The following KAT6B variants were observed in gnomAD, a reference collection of about 807,000 sequenced individuals.
KAT6B encodes the protein histone acetyltransferase KAT6B.
A neutral mutation model predicts 187.5 loss-of-function variants in KAT6B; 10 were observed. That is an observed-to-expected ratio of 0.05 (90% confidence interval 0.03 to 0.09). KAT6B has a LOEUF of 0.09. KAT6B is among the 10% of genes least tolerant of loss of function. The probability of loss-of-function intolerance (pLI) is 1.00; values close to 1 mark genes in which losing one functional copy is unlikely to be tolerated. For missense variants in KAT6B, 1,952 were observed against 2,558.9 expected (o/e 0.76, Z 5.12); for synonymous variants, 861 against 926.8 (o/e 0.93, Z 1.29).
chr10:74,907,761 C>A lies in KAT6B; in HGVS notation c.622-52209C>A, dbSNP rs184464769. Among the ~76,000 whole-genome samples, 13 of 152,302 alleles carry A rather than the reference C, an allele frequency of 8.5e-5. No individual in the cohort carries two copies. In the South Asian group the frequency reaches 1.0e-3, roughly 12 times the overall value. Reference sequence around the variant, plus strand: ...GCCAGGCTGGTCTCAAACTCTTGACCTCAGGTGATGCATCTGTCTTGGCCT... The same window carrying A: ...GCCAGGCTGGTCTCAAACTCTTGACATCAGGTGATGCATCTGTCTTGGCCT... On this transcript the variant is annotated intron_variant, in intron 3 of 17. Transcript: ENST00000287239.
chr10:74,952,870 T>TTC (rs1840416597), intron 3 of KAT6B, among the ~76,000 whole-genome samples: 2 of 123,974 alleles, frequency 1.6e-5, no homozygotes, highest in Non-Finnish European at 3.1e-5. Flanking sequence ...TTTTTTTTTT[T>TTC]TGTATTTTTA....
chr10:74,909,792 T>C (rs1467989257), intron 3 of KAT6B, among the ~76,000 whole-genome samples: 1 of 152,214 alleles, frequency 6.6e-6, no homozygotes, highest in Non-Finnish European at 1.5e-5. Context: ...TTCTCAGTTC[T>C]GAAGGAAATC....
rs750246372 is a variant in KAT6B at position 74,977,292 on chromosome 10, C to A, written c.1994-24C>A. On this transcript the variant is annotated intron_variant, in intron 8 of 17. Coordinates refer to ENST00000287239, the MANE Select transcript of KAT6B (RefSeq NM_012330.4). ...CTCATGATTCAAGTCAGTGAATACA[C>A]TTTCTGCTGGTTTTAAATGACAGAT... The A allele has an allele frequency of 4.3e-6, 7 of 1,610,480 alleles. No individual in the cohort carries two copies. In the Admixed American group the frequency reaches 1.2e-4, roughly 27 times the overall value.
intron 13 of KAT6B, among the ~76,000 whole-genome samples, chr10:75,003,816 G>T (rs1212093834): frequency 6.6e-6 from 1 of 152,190 alleles, no homozygotes; most frequent in Non-Finnish European, 1.5e-5. Flanking sequence ...TGAATGCATT[G>T]AAATGAGTTG....
chr10:74,845,990 A>G (rs767809743), intron 3 of KAT6B, among the ~76,000 whole-genome samples: 12 of 151,634 alleles, frequency 7.9e-5, no homozygotes, highest in Non-Finnish European at 1.5e-4. Flanking sequence ...CAGCCACCCG[A>G]GCAGCTGGGA....
chr10:74,857,867 T>A (rs573409531), intron 3 of KAT6B, among the ~76,000 whole-genome samples: 2 of 152,180 alleles, frequency 1.3e-5, no homozygotes, highest in South Asian at 4.2e-4. Context: ...AAAAAATTTT[T>A]AAAAATTATC....
At chr10:75,017,082 C>G (rs1041234412) in intron 13 of KAT6B, among the ~76,000 whole-genome samples, 1 of 151,316 alleles carries the variant, frequency 6.6e-6, no homozygotes, top group African/African-American at 2.4e-5. Context: ...AGGCTGGTCT[C>G]GAACTCCTGA....
intron 4 of KAT6B, among the ~76,000 whole-genome samples, chr10:74,965,883 G>GCC (rs1322537612): frequency 6.7e-6 from 1 of 150,330 alleles, no homozygotes; most frequent in African/African-American, 2.5e-5. Context: ...CCGCCACCAC[G>GCC]CCCGGCCAAT....
chr10:74,956,068 C>T (rs1424508299), intron 3 of KAT6B, among the ~76,000 whole-genome samples: 1 of 152,170 alleles, frequency 6.6e-6, no homozygotes, highest in Non-Finnish European at 1.5e-5. Flanking sequence ...GGACCACAGG[C>T]ATGCGCCACC....
At chr10:74,950,192 T>C (rs1840221267) in intron 3 of KAT6B, among the ~76,000 whole-genome samples, 1 of 152,196 alleles carries the variant, frequency 6.6e-6, no homozygotes. Flanking sequence ...AAAAAAATTG[T>C]TTGGTGTCTA....
At chr10:74,995,071 C>G (rs1486413086) in intron 13 of KAT6B, among the ~76,000 whole-genome samples, 1 of 152,196 alleles carries the variant, frequency 6.6e-6, no homozygotes, top group Non-Finnish European at 1.5e-5. Flanking sequence ...ATTCCTTTCT[C>G]TGACAGTGAG....
chr10:74,914,940 A>C (rs1815837059), intron 3 of KAT6B, among the ~76,000 whole-genome samples: 1 of 152,030 alleles, frequency 6.6e-6, no homozygotes, highest in African/African-American at 2.4e-5. Context: ...ATAAAAAATA[A>C]AAAAATAAAA....
rs56276008 is a variant in KAT6B at position 74,942,765 on chromosome 10, C to CAAAAAAAAAAAAAAAAAA, written c.622-17195_622-17178dup. Among the ~76,000 whole-genome samples the CAAAAAAAAAAAAAAAAAA allele has an allele frequency of 2.1e-4, 2 of 9,356 alleles. 1 individual carries two copies. The highest frequency in any genetic ancestry group is 4.9e-4 in the African/African-American group (2 of 4,092). 6.1% of individuals were successfully genotyped at this position (9,356 alleles called of 152,430 possible). A position where few individuals can be genotyped will look rare whatever the true frequency, so the allele number is the denominator to read the frequency against. On this transcript the variant is annotated intron_variant, in intron 3 of 17. Transcript: ENST00000287239. ...AGGCAACAAGAGCGAAACTCCATCG[C>CAAAAAAAAAAAAAAAAAA]AAAAAAAAAAAAAAAAAAAAAAAAA...
At chr10:74,925,966 C>T (rs1000252299) in intron 3 of KAT6B, among the ~76,000 whole-genome samples, 1 of 152,136 alleles carries the variant, frequency 6.6e-6, no homozygotes, top group African/African-American at 2.4e-5. Flanking sequence ...GGGGACCCAG[C>T]AAACAAGATA....
chr10:74,990,190 C>CT (rs1321901919), intron 13 of KAT6B, among the ~76,000 whole-genome samples: 8 of 91,724 alleles, frequency 8.7e-5, no homozygotes, highest in Non-Finnish European at 1.5e-4. Context: ...GTGAGAGACT[C>CT]TGTCTCAAAA....
At chr10:75,020,491 C>T in intron 13 of KAT6B, 91 bp from the exon 14 acceptor site, 1 of 875,400 alleles carries the variant, frequency 1.1e-6, no homozygotes, top group Admixed American at 1.8e-5. Context: ...ATGTTTTTAC[C>T]TTGTCACTAC....
At chr10:74,904,197 A>C (rs1312379013) in intron 3 of KAT6B, among the ~76,000 whole-genome samples, 1 of 152,204 alleles carries the variant, frequency 6.6e-6, no homozygotes, top group Non-Finnish European at 1.5e-5. Flanking sequence ...ACAGTGTAAC[A>C]CATAACCACA....
At position 74,981,902 on chromosome 10, in the gene KAT6B, C is replaced by T; in HGVS notation, c.2347C>T (p.Arg783Ter). 1 of 1,613,674 alleles carries T rather than the reference C, an allele frequency of 6.2e-7. No homozygotes were observed. Among genetic ancestry groups the T allele is most frequent in the Non-Finnish European group, 8.5e-7 (1 of 1,179,798 alleles). The change falls in exon 11 of 18, where the codon CGA becomes TGA. Residue 783 changes from arginine (R) to a stop codon, truncating the protein, a stop_gained. Transcript: ENST00000287239. LOFTEE classifies it high-confidence loss of function. The part of the protein sequence containing the change: ...WFHPPANEIY[R>*]RKDLSVFEVD... ...TCATCCTCCAGCAAATGAAATTTAC[C>T]GAAGGAAAGACCTTTCAGTATTTGA...
chr10:74,944,839 T>C (rs1304995219), intron 3 of KAT6B, among the ~76,000 whole-genome samples: 1 of 135,832 alleles, frequency 7.4e-6, no homozygotes, highest in Non-Finnish European at 1.5e-5. Flanking sequence ...AAAAAGGATA[T>C]GCATATTAAA....
Sources: gnomAD v4.1 joint callset for allele counts (sites outside exome capture counted in the v4.1 genomes callset) on GRCh38, gnomAD v4.1.1 for gene constraint, MANE v1.5 for transcripts, NCBI Gene and HGNC (gene_info 2026-07-23, HGNC 2026-07-21) for gene names.